ROBO2: variants seen among roughly 807,000 people sequenced by gnomAD.
ROBO2 encodes the protein roundabout homolog 2.
In ROBO2, 53 loss-of-function variants were observed where a neutral mutation model predicts 160.8. The observed-to-expected ratio is 0.33, with a 90% confidence interval of 0.26 to 0.41. The LOEUF is 0.41. Ranked by LOEUF, ROBO2 falls within the 10% of genes least tolerant of loss-of-function variation. ROBO2 has a pLI of 1.00. For synonymous variants in ROBO2, 664 were observed against 611.7 expected (o/e 1.09, Z -1.26); for missense variants, 1,577 against 1,722.4 (o/e 0.92, Z 1.49).
chr3:76,624,323 G>A (rs935131406), intron 2 of ROBO2, among the ~76,000 whole-genome samples: 2 of 152,020 alleles, frequency 1.3e-5, no homozygotes, highest in Non-Finnish European at 2.9e-5. Flanking sequence ...AGTCCCTTCC[G>A]GGTCAAAGTT....
chr3:76,227,593 A>C (rs1400144040), intron 2 of ROBO2, among the ~76,000 whole-genome samples: 1 of 152,172 alleles, frequency 6.6e-6, no homozygotes, highest in Non-Finnish European at 1.5e-5. Flanking sequence ...AATTTTTAAA[A>C]CTATATGTTT....
rs532632866 is a variant in ROBO2, at chr3:76,985,575, G to GAA, written c.110-112410_110-112409dup. 5.1e-3 allele frequency among the ~76,000 whole-genome samples: 135 copies of GAA among 26,390 alleles called. 4 individuals are homozygous for GAA. Among genetic ancestry groups the GAA allele is most frequent in the African/African-American group, 6.5e-3 (43 of 6,638 alleles). The allele number at this position is 26,390 out of a possible 152,430, so 17.3% of individuals were successfully genotyped here. A position where few individuals can be genotyped will look rare whatever the true frequency, so the allele number is the denominator to read the frequency against. On this transcript the variant is annotated intron_variant, in intron 2 of 26. Transcript: ENST00000487694. ...TGGGCGACAAAGCGAGACTCCGTCTGAAAAAAAAAAAAAAAAAAAAAAAAA... is the reference window on the plus strand; with the variant it reads ...TGGGCGACAAAGCGAGACTCCGTCTGAAAAAAAAAAAAAAAAAAAAAAAAAAA...
At chr3:76,805,219 C>A (rs75207223) in intron 2 of ROBO2, among the ~76,000 whole-genome samples, 12 of 151,930 alleles carry the variant, frequency 7.9e-5, no homozygotes, top group African/African-American at 2.9e-4. Flanking sequence ...TCAATACAAG[C>A]GCCTTCCCTT....
intron 2 of ROBO2, among the ~76,000 whole-genome samples, chr3:76,127,033 T>C (rs2071016358): frequency 6.6e-6 from 1 of 152,160 alleles, no homozygotes; most frequent in African/African-American, 2.4e-5. Context: ...GGAGACTTTG[T>C]TGTCAAATTC....
At chr3:76,294,204 G>A (rs1448268111) in intron 2 of ROBO2, among the ~76,000 whole-genome samples, 1 of 152,190 alleles carries the variant, frequency 6.6e-6, no homozygotes, top group East Asian at 1.9e-4. Flanking sequence ...GGCAAAGGGG[G>A]TTTCCTGGGC....
rs186210051 is a variant in ROBO2, at chr3:76,789,048, T to A, written c.110-308966T>A. Among the ~76,000 whole-genome samples, 407 of 151,606 alleles carry A rather than the reference T, an allele frequency of 2.7e-3. 3 individuals are homozygous for A. Among genetic ancestry groups the A allele is most frequent in the Admixed American group, 4.3e-3 (65 of 15,168 alleles). On this transcript the variant is annotated intron_variant, in intron 2 of 26. Coordinates refer to the ROBO2 transcript ENST00000487694. ...ATTTATACATGCTTGTAGGCCACTTTTGATCTATCTGCCCAACATGCCAAA... is the reference window on the plus strand; with the variant it reads ...ATTTATACATGCTTGTAGGCCACTTATGATCTATCTGCCCAACATGCCAAA...
chr3:77,124,670 A>G (rs762341416), intron 2 of ROBO2, among the ~76,000 whole-genome samples: 12 of 152,160 alleles, frequency 7.9e-5, no homozygotes, highest in Admixed American at 2.6e-4. Context: ...TTTTGGTAAT[A>G]GGTATACTGG....
chr3:77,039,084 C>G, upstream of ROBO2, among the ~76,000 whole-genome samples: 1 of 152,180 alleles, frequency 6.6e-6, no homozygotes, highest in Admixed American at 6.5e-5. Flanking sequence ...AACTGAGTAA[C>G]ATAAGAGGGG....
intron 2 of ROBO2, among the ~76,000 whole-genome samples, chr3:76,183,688 C>T (rs973466569): frequency 6.6e-6 from 1 of 152,066 alleles, no homozygotes; most frequent in Admixed American, 6.6e-5. Context: ...TAAGGATACA[C>T]TCTACTCCGA....
At chr3:76,897,663 C>A (rs113745836) in intron 2 of ROBO2, among the ~76,000 whole-genome samples, 4 of 151,124 alleles carry the variant, frequency 2.6e-5, no homozygotes, top group African/African-American at 9.7e-5. Context: ...AATGTATGTT[C>A]TGTTTACTTT....
At chr3:76,644,597 C>T (rs1375753548) in intron 2 of ROBO2, among the ~76,000 whole-genome samples, 1 of 152,096 alleles carries the variant, frequency 6.6e-6, no homozygotes, top group Non-Finnish European at 1.5e-5. Flanking sequence ...CTGACCTTCC[C>T]GTAGGACTAA....
chr3:76,330,975 A>T (rs1421476967), intron 2 of ROBO2, among the ~76,000 whole-genome samples: 1 of 152,202 alleles, frequency 6.6e-6, no homozygotes, highest in African/African-American at 2.4e-5. Context: ...TATCTAAATC[A>T]TTCATTACTT....
chr3:77,092,021 A>G (rs567353567), intron 1 of ROBO2: 5 of 147,964 alleles, frequency 3.4e-5, no homozygotes, highest in African/African-American at 5.2e-5. Context: ...ATAAATAAAT[A>G]AATAAAAAGA....
At chr3:77,046,462 T>C (rs1159451733) in intron 1 of ROBO2, among the ~76,000 whole-genome samples, 1 of 152,202 alleles carries the variant, frequency 6.6e-6, no homozygotes, top group African/African-American at 2.4e-5. Context: ...ATCTCAGCAA[T>C]AGTAAATATA....
At chr3:75,936,082 T>C (rs1310897606) in intron 1 of ROBO2, among the ~76,000 whole-genome samples, 3 of 152,212 alleles carry the variant, frequency 2.0e-5, no homozygotes, top group Admixed American at 2.0e-4. Flanking sequence ...GTACTTAAAC[T>C]GTCACTGTCA....
intron 2 of ROBO2, among the ~76,000 whole-genome samples, chr3:77,143,060 CTGTG>C (rs1317699787): frequency 6.6e-6 from 1 of 151,400 alleles, no homozygotes; most frequent in Non-Finnish European, 1.5e-5. Context: ...GAATAGGACT[CTGTG>C]TGTCTTAATA....
intron 4 of ROBO2, among the ~76,000 whole-genome samples, chr3:77,489,242 T>A (rs2153597558): frequency 6.6e-6 from 1 of 152,336 alleles, no homozygotes; most frequent in East Asian, 1.9e-4. Context: ...ATTCTTTGCC[T>A]TTGTTTTGCT....
chr3:76,458,343 T>TA (rs913330418), intron 2 of ROBO2, among the ~76,000 whole-genome samples: 14 of 152,086 alleles, frequency 9.2e-5, no homozygotes, highest in Admixed American at 7.9e-4. Context: ...GTCTCTTTGC[T>TA]AAAACATAAC....
intron 2 of ROBO2, among the ~76,000 whole-genome samples, chr3:76,209,229 G>C (rs1327085875): frequency 6.6e-6 from 1 of 152,148 alleles, no homozygotes; most frequent in Non-Finnish European, 1.5e-5. Context: ...GTAACTATTT[G>C]TAAATTCATT....
Sources: gnomAD v4.1 joint callset for allele counts (sites outside exome capture counted in the v4.1 genomes callset) on GRCh38, gnomAD v4.1.1 for gene constraint, MANE v1.5 for transcripts, NCBI Gene and HGNC (gene_info 2026-07-23, HGNC 2026-07-21) for gene names.